NR2E1: variants seen among roughly 807,000 people sequenced by gnomAD.
The protein encoded by NR2E1 is nuclear receptor subfamily 2 group E member 1, also known as nuclear receptor TLX.
A neutral mutation model predicts 43.6 loss-of-function variants in NR2E1; 5 were observed. The ratio of observed to expected loss-of-function variants is 0.11; its 90% confidence interval spans 0.06 to 0.24. NR2E1 has a LOEUF of 0.24. Among genes scored for constraint, NR2E1 ranks in the 10% least tolerant of loss-of-function variants. The pLI, the probability that NR2E1 is intolerant of heterozygous loss-of-function variation, is 1.00. For synonymous variants in NR2E1, 191 were observed against 195.5 expected (o/e 0.98, Z 0.19); for missense variants, 287 against 496.7 (o/e 0.58, Z 4.01).
At chr6:108,185,059 CT>C (rs1410239053) in intron 8 of NR2E1, among the ~76,000 whole-genome samples, 1 of 152,154 alleles carries the variant, frequency 6.6e-6, no homozygotes, top group Non-Finnish European at 1.5e-5. Context: ...TCAGTGAACA[CT>C]TTTTCCTCCA....
Position 108,166,657 on chromosome 6 carries a change from TTG to T in NR2E1, c.-108_-107del. 8.7e-6 allele frequency: 8 copies of T among 920,018 alleles called. No individual in the cohort carries two copies. Among genetic ancestry groups the T allele is most frequent in the Non-Finnish European group, 1.2e-5 (8 of 643,872 alleles). 57.0% of individuals were successfully genotyped at this position (920,018 alleles called of 1,614,324 possible). The stretch of plus-strand genomic sequence containing the variant: ...CACCCACCTGTCCCGCCCAGGAGCC[TTG>T]CAGGCTGGAGGGCAGCTGGAGAGCG... On this transcript the variant is annotated 5_prime_UTR_variant, in exon 1 of 9. Transcript: ENST00000368986. The surrounding 1 kb of genome is among the most constrained non-coding windows in gnomAD (Gnocchi z 7.2).
chr6:108,175,869 G>C (rs1773887930), intron 3 of NR2E1, among the ~76,000 whole-genome samples: 2 of 152,244 alleles, frequency 1.3e-5, no homozygotes, highest in Admixed American at 1.3e-4. Context: ...AGATTGCCCT[G>C]AATTAATTTG....
At chr6:108,176,285 C>T (rs937636154) in intron 3 of NR2E1, 2 of 594,816 alleles carry the variant, frequency 3.4e-6, no homozygotes, top group East Asian at 5.5e-5. Flanking sequence ...AGCACGGGCC[C>T]CTCTTCTAAG....
chr6:108,174,174 C>T (rs376515698), intron 2 of NR2E1, among the ~76,000 whole-genome samples: 3 of 152,136 alleles, frequency 2.0e-5, no homozygotes, highest in African/African-American at 7.2e-5. Context: ...TTTCTATGCA[C>T]CTGGGCCGAG....
rs769737850 is a variant in NR2E1 at position 108,180,394 on chromosome 6, T to C, written c.714T>C (p.Asp238=). ...TAGCACAATGGGCCATTCCGGTTGA[T>C]GCTAACACTCTACTGGCTGTATCTG... is the stretch of plus-strand genomic sequence containing the variant. ...LGIAQWAIPV[D]ANTLLAVSGM... Residue 238 remains aspartate (D), a synonymous_variant, in exon 6 of 9, where the codon GAT becomes GAC. Transcript: ENST00000368986. This position sits in a 1 kb window ranked among gnomAD's most constrained non-coding sequence, Gnocchi z 5.4. The C allele has an allele frequency of 4.3e-6, 7 of 1,611,302 alleles. No homozygotes were observed. Among genetic ancestry groups the C allele is most frequent in the Non-Finnish European group, 5.9e-6 (7 of 1,177,472 alleles).
chr6:108,168,187 C>A lies in NR2E1; in HGVS notation c.25+1397C>A, dbSNP rs528787039. On this transcript the variant is annotated intron_variant, in intron 1 of 8. Coordinates refer to ENST00000368986, the MANE Select transcript of NR2E1 (RefSeq NM_003269.5). Reference sequence around the variant, plus strand: ...GGTAAAGCGACCTCGATTTTTGTTGCCCGCATTCCCGGGCGTGAGTGTCCT... The same window carrying A: ...GGTAAAGCGACCTCGATTTTTGTTGACCGCATTCCCGGGCGTGAGTGTCCT... The A allele has an allele frequency of 2.6e-6, 4 of 1,562,300 alleles. No individual in the cohort carries two copies. The African/African-American group carries it at 5.5e-5, about 21-fold the overall frequency.
rs1019791237 is a variant in NR2E1, at chr6:108,180,706, A to C, written c.740-101A>C. ...ACATGGAATCAGATATCTTAGAGTG[A>C]CAATTGAATAGATATTGATATGCAG... On this transcript the variant is annotated intron_variant, in intron 6 of 8. Coordinates refer to ENST00000368986, the MANE Select transcript of NR2E1 (RefSeq NM_003269.5). This position sits in a 1 kb window ranked among gnomAD's most constrained non-coding sequence, Gnocchi z 5.4. 1 of 1,097,200 alleles carries C rather than the reference A, an allele frequency of 9.1e-7. No individual in the cohort carries two copies. The highest frequency in any genetic ancestry group is 1.6e-5 in the African/African-American group (1 of 64,194). 68.0% of individuals were successfully genotyped at this position (1,097,200 alleles called of 1,614,324 possible).
intron 5 of NR2E1, among the ~76,000 whole-genome samples, chr6:108,178,499 A>G (rs954352107): frequency 6.6e-6 from 1 of 152,224 alleles, no homozygotes; most frequent in African/African-American, 2.4e-5. Context: ...ATACAAGAAC[A>G]TTACCTCTTT....
At chr6:108,177,788 C>T (rs1051537983) in intron 4 of NR2E1, among the ~76,000 whole-genome samples, 2 of 152,156 alleles carry the variant, frequency 1.3e-5, no homozygotes, top group African/African-American at 4.8e-5. Context: ...AAATTGGGAG[C>T]CAGGCTTGGC....
Position 108,178,260 on chromosome 6 carries a change from C to G in NR2E1, c.642+19C>G. ...AGACCAGGTATGACCACACTGAGGC[C>G]TTGGGAGAAAGAGAGCTGGGAAAGA... On this transcript the variant is annotated intron_variant, in intron 5 of 8. Transcript: ENST00000368986. The G allele has an allele frequency of 6.2e-7, 1 of 1,614,028 alleles. No individual in the cohort carries two copies. Among genetic ancestry groups the G allele is most frequent in the Non-Finnish European group, 8.5e-7 (1 of 1,179,900 alleles).
intron 4 of NR2E1, among the ~76,000 whole-genome samples, chr6:108,177,521 C>T (rs1486251029): frequency 6.6e-6 from 1 of 152,336 alleles, no homozygotes; most frequent in Non-Finnish European, 1.5e-5. Flanking sequence ...CACCTGGGCA[C>T]ATGCACACGC....
intron 8 of NR2E1, among the ~76,000 whole-genome samples, chr6:108,183,208 G>A (rs1305572692): frequency 2.0e-5 from 3 of 152,034 alleles, no homozygotes; most frequent in Non-Finnish European, 4.4e-5. Flanking sequence ...CCATTAAGAA[G>A]TATAGACTGG....
chr6:108,178,009 G>C, intron 4 of NR2E1, 86 bp from the exon 5 acceptor site: 1 of 1,420,706 alleles, frequency 7.0e-7, no homozygotes, highest in Non-Finnish European at 1.0e-6. Flanking sequence ...CCCCTTCCTT[G>C]CTTTAATTAG....
chr6:108,174,202 C>T (rs1280896206), intron 2 of NR2E1, among the ~76,000 whole-genome samples: 1 of 152,182 alleles, frequency 6.6e-6, no homozygotes, highest in African/African-American at 2.4e-5. Context: ...TTTAAGGCAA[C>T]TCTCAACTTG....
At chr6:108,175,067 C>G (rs897342709) in intron 3 of NR2E1, 144 bp downstream of exon 3, 1 of 765,456 alleles carries the variant, frequency 1.3e-6, no homozygotes, top group East Asian at 2.8e-5. Flanking sequence ...GGCTTTCAGT[C>G]GTATCCTTCC....
chr6:108,181,084 A>G (rs1773977096), intron 7 of NR2E1, 128 bp downstream of exon 7: 1 of 1,004,644 alleles, frequency 1.0e-6, no homozygotes, highest in Non-Finnish European at 1.6e-6. Context: ...TGATACTCTT[A>G]ATCTGGCCCC....
Position 108,176,642 on chromosome 6 carries a change from G to T in NR2E1, c.399G>T (p.Ala133=), listed in dbSNP as rs1186294587. The T allele has an allele frequency of 1.2e-6, 2 of 1,609,348 alleles. No homozygotes were observed. The highest frequency in any genetic ancestry group is 1.1e-5 in the South Asian group (1 of 90,806). The part of the protein sequence containing the change: ...AALPAPAFFT[A]VTQLEPHGLE... ...TCCCTGCGCCGGCCTTCTTCACCGCGGTCACGCAGCTGGAGCCGCACGGCC... is the reference window on the plus strand; with the variant it reads ...TCCCTGCGCCGGCCTTCTTCACCGCTGTCACGCAGCTGGAGCCGCACGGCC... The change falls in exon 4 of 9, where the codon GCG becomes GCT. Residue 133 remains alanine, a synonymous_variant. Coordinates refer to ENST00000368986, the MANE Select transcript of NR2E1 (RefSeq NM_003269.5).
At position 108,166,821 on chromosome 6, in the gene NR2E1, A is replaced by G; in HGVS notation, c.25+31A>G. 6.3e-7 allele frequency: 1 copy of G among 1,584,752 alleles called. No individual in the cohort carries two copies. Among genetic ancestry groups the G allele is most frequent in the Admixed American group, 1.8e-5 (1 of 55,602 alleles). On this transcript the variant is annotated intron_variant, in intron 1 of 8. Transcript: ENST00000368986. This position sits in a 1 kb window ranked among gnomAD's most constrained non-coding sequence, Gnocchi z 7.2. Reference sequence around the variant, plus strand: ...TACCTCTCGGGCCGCCGTGGGGCCTAGGCGCGCAGCCTGGGGCGAGCGAGC... The same window carrying G: ...TACCTCTCGGGCCGCCGTGGGGCCTGGGCGCGCAGCCTGGGGCGAGCGAGC...
At chr6:108,178,297 T>A in intron 5 of NR2E1, 56 bp downstream of exon 5, 1 of 1,599,482 alleles carries the variant, frequency 6.3e-7, no homozygotes, top group Non-Finnish European at 8.6e-7. Flanking sequence ...GCAGTAGCAC[T>A]CAGCCTTATA....
Sources: gnomAD v4.1 joint callset for allele counts (sites outside exome capture counted in the v4.1 genomes callset) on GRCh38, gnomAD v4.1.1 for gene constraint, Gnocchi (gnomAD v3.1) non-coding constraint, MANE v1.5 for transcripts, NCBI Gene and HGNC (gene_info 2026-07-23, HGNC 2026-07-21) for gene names.